MAP3K15: variants seen among roughly 807,000 people sequenced by gnomAD.
MAP3K15 encodes the protein mitogen-activated protein kinase kinase kinase 15, also known as MAPK/ERK kinase kinase 15.
Under a neutral mutation model 99.5 loss-of-function variants are expected in MAP3K15, and 124 were observed. The observed-to-expected ratio is 1.25, with a 90% CI of 1.08 to 1.45. The LOEUF (loss-of-function observed/expected upper bound fraction) is 1.45, where lower values mean the gene tolerates loss of function less well. Ranked by LOEUF, MAP3K15 falls within the 40% of genes most tolerant of loss-of-function variation. The pLI is 0.00. For missense variants in MAP3K15, 1,242 were observed against 1,079.7 expected (o/e 1.15, Z -2.11); for synonymous variants, 494 against 439.6 (o/e 1.12, Z -1.55).
At position 19,371,290 on chromosome X, in the gene MAP3K15, TGG is replaced by T. The variant is rs1270907134; in HGVS notation, c.3294+53_3294+54del. On this transcript the variant is annotated intron_variant, in intron 23 of 28. Transcript: ENST00000338883. The stretch of plus-strand genomic sequence containing the variant: ...AAGAGATGGGGGCTATGGGAGGAGG[TGG>T]TAACTGAATTCCAAGATCTGGTGTG... 2.5e-5 allele frequency: 28 copies of T among 1,111,604 alleles called. No individual in the cohort carries two copies. The East Asian group carries it at 8.2e-4, about 32-fold the overall frequency. 91.6% of individuals were successfully genotyped at this position (1,111,604 alleles called of 1,213,427 possible).
Position 19,425,516 on chromosome X carries a change from A to G in MAP3K15, c.1439+15T>C. 1 of 1,186,065 alleles carries G rather than the reference A, an allele frequency of 8.4e-7. No individual in the cohort carries two copies. Among genetic ancestry groups the G allele is most frequent in the Non-Finnish European group, 1.1e-6 (1 of 886,916 alleles). On this transcript the variant is annotated intron_variant, in intron 9 of 28. Coordinates refer to ENST00000338883, the MANE Select transcript of MAP3K15 (RefSeq NM_001001671.4). ...GTATTGAGATGGGTGATGACAACAC[A>G]CAGACACAACTCACCAGACTGGAGG...
chrX:19,360,991 G>A, intron 28 of MAP3K15, 158 bp from the exon 29 acceptor site: 2 of 433,904 alleles, frequency 4.6e-6, no homozygotes, highest in Non-Finnish European at 7.9e-6. Context: ...TGGCCTTAGA[G>A]GTACGTACCT....
chrX:19,401,780 C>A (rs902350833), intron 13 of MAP3K15, among the ~76,000 whole-genome samples: 10 of 112,176 alleles, frequency 8.9e-5, no homozygotes, highest in African/African-American at 3.2e-4. Context: ...TACAAGTCAT[C>A]TTGACTCATT....
intron 12 of MAP3K15, 128 bp downstream of exon 12, chrX:19,409,796 G>C (rs2063673586): frequency 1.9e-6 from 1 of 516,606 alleles, no homozygotes; most frequent in Non-Finnish European, 3.2e-6. Flanking sequence ...ACATAATAGA[G>C]AGTCCACTTT....
intron 6 of MAP3K15, among the ~76,000 whole-genome samples, chrX:19,435,024 T>C (rs1348529305): frequency 8.9e-6 from 1 of 112,364 alleles, no homozygotes; most frequent in Non-Finnish European, 1.9e-5. Flanking sequence ...CATTGTATAA[T>C]ATTCTTTAAT....
rs993127421 is a variant in MAP3K15 at position 19,486,424 on chromosome X, A to C, written c.525+58T>G. Reference sequence around the variant, plus strand: ...TGGGCGATTTTCAGGCAAGCATTTTACAAATTGACATTTACATTTAATTTC... The same window carrying C: ...TGGGCGATTTTCAGGCAAGCATTTTCCAAATTGACATTTACATTTAATTTC... On this transcript the variant is annotated intron_variant, in intron 3 of 28. Coordinates refer to ENST00000338883, the MANE Select transcript of MAP3K15 (RefSeq NM_001001671.4). 5.5e-6 allele frequency: 3 copies of C among 545,071 alleles called. No individual in the cohort carries two copies. The Admixed American group carries it at 1.5e-4, about 27-fold the overall frequency. 44.9% of individuals were successfully genotyped at this position (545,071 alleles called of 1,213,427 possible). A position where few individuals can be genotyped will look rare whatever the true frequency, so the allele number is the denominator to read the frequency against.
chrX:19,390,619 G>A (rs370420124), intron 18 of MAP3K15, among the ~76,000 whole-genome samples: 10 of 105,606 alleles, frequency 9.5e-5, no homozygotes, highest in Admixed American at 2.1e-4. Context: ...CCTATGTTGC[G>A]CAGGCTGGTC....
intron 20 of MAP3K15, among the ~76,000 whole-genome samples, 200 bp from the exon 21 acceptor site, chrX:19,373,895 T>C (rs1002361741): frequency 4.2e-4 from 47 of 111,260 alleles, no homozygotes; most frequent in Non-Finnish European, 7.4e-4. Flanking sequence ...ATGGAGCAAG[T>C]TGCTGAGCCA....
chrX:19,472,577 C>T (rs756594028), intron 3 of MAP3K15, among the ~76,000 whole-genome samples: 112 of 111,218 alleles, frequency 1.0e-3, no homozygotes, highest in African/African-American at 3.4e-3. Context: ...TCCACAGGAA[C>T]AAATGAAAAG....
chrX:19,409,485 G>A (rs749073972), intron 12 of MAP3K15, among the ~76,000 whole-genome samples: 4 of 110,738 alleles, frequency 3.6e-5, no homozygotes, highest in South Asian at 7.8e-4. Flanking sequence ...CTCCTCTCCC[G>A]AGAATACACC....
In MAP3K15 at chrX:19,371,456, G is replaced by A. The variant is rs1233892768; in HGVS notation, c.3183C>T (p.Ser1061=). ...TGGTCGCCATCACCCGGTGCTCTGGGGAGCGGATGAAGTCCCTCAGGATCC... is the reference window on the plus strand; with the variant it reads ...TGGTCGCCATCACCCGGTGCTCTGGAGAGCGGATGAAGTCCCTCAGGATCC... ...IIGILRDFIR[S]PEHRVMATTI... is the part of the protein sequence containing the mutation. Residue 1061 remains serine, a synonymous_variant, in exon 23 of 29, where the codon TCC becomes TCT. Transcript: ENST00000338883. 1 of 1,210,788 alleles carries A rather than the reference G, an allele frequency of 8.3e-7. No homozygotes were observed. The highest frequency in any genetic ancestry group is 2.2e-5 in the Admixed American group (1 of 46,004).
Position 19,431,532 on chromosome X carries a change from G to A in MAP3K15, c.1072C>T (p.Pro358Ser). ...CTCCCACACAGGCAGAACATGTCGG[G>A]GCCCGGGTGATCACAGCTCTGCAGA... ...QVLQSCDHPG[P>S]DMFCLCGRIY... is the part of the protein sequence containing the mutation. Residue 358 changes from proline (P) to serine (S), a missense_variant, in exon 7 of 29, where the codon CCC becomes TCC. Pro to Ser is a moderately conservative substitution (Grantham distance 74, BLOSUM62 -1). Coordinates refer to ENST00000338883, the MANE Select transcript of MAP3K15 (RefSeq NM_001001671.4). The A allele has an allele frequency of 8.3e-7, 1 of 1,199,435 alleles. No individual in the cohort carries two copies. Among genetic ancestry groups the A allele is most frequent in the Non-Finnish European group, 1.1e-6 (1 of 894,564 alleles).
rs370745751 is a variant in MAP3K15 at position 19,415,530 on chromosome X, T to A, written c.1440-273A>T. ...GTACCTACTGCCTAAAATGTGGAGA[T>A]TGGAAAGCATGTGGTAACTGTTTTA... On this transcript the variant is annotated intron_variant, in intron 9 of 28. Coordinates refer to ENST00000338883, the MANE Select transcript of MAP3K15 (RefSeq NM_001001671.4). Among the ~76,000 whole-genome samples, 5 of 111,664 alleles carry A rather than the reference T, an allele frequency of 4.5e-5. No individual in the cohort carries two copies. In the East Asian group the frequency reaches 8.4e-4, roughly 19 times the overall value.
intron 18 of MAP3K15, among the ~76,000 whole-genome samples, chrX:19,388,418 C>T (rs2063506149): frequency 8.9e-6 from 1 of 112,178 alleles, no homozygotes; most frequent in Non-Finnish European, 1.9e-5. Context: ...TGTGATTACA[C>T]CCTTTGAGTC....
chrX:19,482,360 G>T (rs943980863), intron 3 of MAP3K15: 3 of 111,158 alleles, frequency 2.7e-5, no homozygotes, highest in African/African-American at 9.9e-5. Flanking sequence ...CTAGGGAATG[G>T]ATAAAATGTG....
intron 19 of MAP3K15, among the ~76,000 whole-genome samples, chrX:19,377,788 C>T (rs1044921149): frequency 3.6e-5 from 4 of 112,019 alleles, no homozygotes; most frequent in Non-Finnish European, 7.5e-5. Flanking sequence ...AGATCTACAA[C>T]GGCCCCAACA....
chrX:19,373,757 T>A, intron 20 of MAP3K15, 62 bp from the exon 21 acceptor site: 2 of 1,118,858 alleles, frequency 1.8e-6, no homozygotes, highest in Non-Finnish European at 2.4e-6. Context: ...TGGAGCTGAG[T>A]CCCTGGCAGC....
chrX:19,430,885 G>A lies in MAP3K15; in HGVS notation c.1166+553C>T, dbSNP rs773991350. On this transcript the variant is annotated intron_variant, in intron 7 of 28. Coordinates refer to ENST00000338883, the MANE Select transcript of MAP3K15 (RefSeq NM_001001671.4). The stretch of plus-strand genomic sequence containing the variant: ...ACTGACTACCCTATTTAAAATTGCA[G>A]ACCACCCCTCCGAGCCCTCCTTTAT... Among the ~76,000 whole-genome samples, 26 of 110,387 alleles carry A rather than the reference G, an allele frequency of 2.4e-4. 1 individual carries two copies. In the South Asian group the frequency reaches 0.01, roughly 44 times the overall value.
chrX:19,455,513 ATTTTTTTTTTTTTT>A (rs755405077), intron 6 of MAP3K15, among the ~76,000 whole-genome samples: 6 of 65,718 alleles, frequency 9.1e-5, no homozygotes, highest in African/African-American at 1.9e-4. Flanking sequence ...TGCCTGGCTA[ATTTTTTTTTTTTTT>A]TTTTTTTTTT....
Sources: gnomAD v4.1 joint callset for allele counts (sites outside exome capture counted in the v4.1 genomes callset) on GRCh38, gnomAD v4.1.1 for gene constraint, MANE v1.5 for transcripts, NCBI Gene and HGNC (gene_info 2026-07-23, HGNC 2026-07-21) for gene names.